The following ADAMTSL1 variants were observed in gnomAD, a reference collection of about 807,000 sequenced individuals.
ADAMTSL1 encodes ADAMTS like 1.
ADAMTSL1 carries 126 observed loss-of-function variants against 201.8 expected under a neutral mutation model. The observed-to-expected ratio is 0.62, with a 90% CI of 0.54 to 0.72. The LOEUF (loss-of-function observed/expected upper bound fraction) is 0.72. Ranked by LOEUF, ADAMTSL1 falls within the 30% of genes least tolerant of loss-of-function variation. ADAMTSL1 has a pLI of 0.00. For missense variants in ADAMTSL1, 2,679 were observed against 2,277.8 expected (o/e 1.18, Z -3.59); for synonymous variants, 1,121 against 903.4 (o/e 1.24, Z -4.32).
chr9:18,424,933 T>A (rs938360959), intron 2 of ADAMTSL1, among the ~76,000 whole-genome samples: 2 of 152,184 alleles, frequency 1.3e-5, no homozygotes, highest in Non-Finnish European at 2.9e-5. Context: ...TGACCTCTTA[T>A]CCACATATCC....
chr9:18,615,787 A>C (rs1825666159), intron 4 of ADAMTSL1, among the ~76,000 whole-genome samples: 1 of 152,164 alleles, frequency 6.6e-6, no homozygotes, highest in Non-Finnish European at 1.5e-5. Context: ...TGACAACTAT[A>C]GTCTATTGGA....
intron 4 of ADAMTSL1, among the ~76,000 whole-genome samples, chr9:18,584,430 C>T (rs927208439): frequency 2.6e-5 from 4 of 152,156 alleles, no homozygotes; most frequent in African/African-American, 7.2e-5. Context: ...ATTGCTCAGT[C>T]TCAGGTATGT....
At chr9:18,460,559 T>C (rs1005821940) in intron 2 of ADAMTSL1, among the ~76,000 whole-genome samples, 3 of 152,172 alleles carry the variant, frequency 2.0e-5, no homozygotes, top group Non-Finnish European at 2.9e-5. Flanking sequence ...GTACTCTGAT[T>C]TAATAGGGGG....
intron 24 of ADAMTSL1, among the ~76,000 whole-genome samples, chr9:18,888,465 G>A (rs929474723): frequency 1.3e-5 from 2 of 152,204 alleles, no homozygotes; most frequent in African/African-American, 4.8e-5. Flanking sequence ...TGATCATTCT[G>A]AAGAGTCTTC....
intron 1 of ADAMTSL1, among the ~76,000 whole-genome samples, chr9:18,066,623 G>C (rs1255063167): frequency 6.6e-6 from 1 of 152,022 alleles, no homozygotes; most frequent in African/African-American, 2.4e-5. Context: ...TTTTGTTGTT[G>C]TTTATTCCCT....
At chr9:18,093,200 T>G (rs1824102128) in intron 1 of ADAMTSL1, among the ~76,000 whole-genome samples, 1 of 152,208 alleles carries the variant, frequency 6.6e-6, no homozygotes, top group Admixed American at 6.5e-5. Flanking sequence ...AAATACTATT[T>G]AGAAGAAATA....
chr9:18,013,048 T>C (rs1398556267), intron 1 of ADAMTSL1, among the ~76,000 whole-genome samples: 1 of 151,912 alleles, frequency 6.6e-6, no homozygotes, highest in East Asian at 1.9e-4. Flanking sequence ...CTTATCTCCA[T>C]TACCCTTAGA....
At chr9:18,755,869 T>C (rs2133626075) in intron 16 of ADAMTSL1, among the ~76,000 whole-genome samples, 1 of 152,054 alleles carries the variant, frequency 6.6e-6, no homozygotes, top group Admixed American at 6.5e-5. Flanking sequence ...GTTCATCCAA[T>C]GCATCAGTGA....
intron 2 of ADAMTSL1, among the ~76,000 whole-genome samples, chr9:18,250,231 G>A (rs969307308): frequency 1.3e-5 from 2 of 152,140 alleles, no homozygotes; most frequent in African/African-American, 4.8e-5. Context: ...AATTCCTCAG[G>A]GTTATCATTG....
chr9:18,558,118 T>A (rs776559097), intron 3 of ADAMTSL1, among the ~76,000 whole-genome samples: 2 of 152,018 alleles, frequency 1.3e-5, no homozygotes, highest in Non-Finnish European at 2.9e-5. Flanking sequence ...CATCAACCCA[T>A]CATCTACATT....
At chr9:18,907,162 G>C in intron 28 of ADAMTSL1, 2 of 515,124 alleles carry the variant, frequency 3.9e-6, no homozygotes, top group Non-Finnish European at 6.9e-6. Context: ...AGGTGCTATT[G>C]GCCCAGTGCT....
chr9:18,725,998 C>T (rs515375), intron 15 of ADAMTSL1, among the ~76,000 whole-genome samples: 2 of 152,200 alleles, frequency 1.3e-5, no homozygotes, highest in Non-Finnish European at 2.9e-5. Context: ...CTGTCACTTT[C>T]AGCTATCTGA....
At chr9:18,599,076 G>C (rs572489354) in intron 4 of ADAMTSL1, among the ~76,000 whole-genome samples, 48 of 152,228 alleles carry the variant, frequency 3.2e-4, no homozygotes, top group Non-Finnish European at 5.3e-4. Context: ...AGAAATCTCA[G>C]TATTAGGGTT....
chr9:17,932,090 T>G (rs906923850), intron 1 of ADAMTSL1, among the ~76,000 whole-genome samples: 2 of 152,104 alleles, frequency 1.3e-5, no homozygotes, highest in Non-Finnish European at 2.9e-5. Context: ...TCCTGCCAGA[T>G]TTTGTTGTGG....
chr9:18,376,537 G>C (rs1234141360), intron 2 of ADAMTSL1, among the ~76,000 whole-genome samples: 2 of 152,178 alleles, frequency 1.3e-5, no homozygotes, highest in Non-Finnish European at 2.9e-5. Context: ...CGGGGCGGTG[G>C]CTCATGCCTG....
chr9:18,754,514 A>C (rs1468163690), intron 16 of ADAMTSL1, among the ~76,000 whole-genome samples: 1 of 152,148 alleles, frequency 6.6e-6, no homozygotes, highest in African/African-American at 2.4e-5. Flanking sequence ...TCACTCTCAA[A>C]AGTGTCCCAA....
At chr9:18,434,861 A>T (rs1563958999) in intron 2 of ADAMTSL1, among the ~76,000 whole-genome samples, 1 of 152,168 alleles carries the variant, frequency 6.6e-6, no homozygotes, top group South Asian at 2.1e-4. Flanking sequence ...CTTCTTCAAG[A>T]TCATAACCAC....
At chr9:18,836,771 C>A (rs541119448) in intron 23 of ADAMTSL1, among the ~76,000 whole-genome samples, 2 of 152,176 alleles carry the variant, frequency 1.3e-5, no homozygotes, top group Non-Finnish European at 2.9e-5. Flanking sequence ...TCTATGATTT[C>A]TTTCAGCATT....
chr9:17,935,197 C>T (rs1384491790), intron 1 of ADAMTSL1, among the ~76,000 whole-genome samples: 1 of 152,070 alleles, frequency 6.6e-6, no homozygotes, highest in Non-Finnish European at 1.5e-5. Flanking sequence ...CTTTAACACA[C>T]ACAGTCATGC....
Sources: gnomAD v4.1 joint callset for allele counts (sites outside exome capture counted in the v4.1 genomes callset) on GRCh38, gnomAD v4.1.1 for gene constraint, MANE v1.5 for transcripts, NCBI Gene and HGNC (gene_info 2026-07-23, HGNC 2026-07-21) for gene names.